The following ORC5 variants were observed in gnomAD, a reference collection of about 807,000 sequenced individuals.
ORC5 encodes origin recognition complex subunit 5.
ORC5 carries 39 observed loss-of-function variants against 58.8 expected under a neutral mutation model. That is an observed-to-expected ratio of 0.66 (90% CI 0.51 to 0.87). The LOEUF is 0.87. ORC5 is among the 40% of genes least tolerant of loss of function. The probability of loss-of-function intolerance (pLI) is 0.00; values close to 1 mark genes in which losing one functional copy is unlikely to be tolerated. For missense variants in ORC5, 493 were observed against 506.3 expected, an observed-to-expected ratio of 0.97 and a Z score of 0.25; for synonymous variants, 218 against 177.6, an observed-to-expected ratio of 1.23 and a Z score of -1.81.
intron 5 of ORC5, among the ~76,000 whole-genome samples, chr7:104,193,221 G>T (rs1182784754): frequency 6.6e-6 from 1 of 151,772 alleles, no homozygotes. Context: ...AATATCTGAG[G>T]TTTATAATAA....
At chr7:104,184,200 A>G in intron 6 of ORC5, 29 bp from the exon 7 acceptor site, 1 of 1,333,366 alleles carries the variant, frequency 7.5e-7, no homozygotes, top group East Asian at 2.4e-5. Context: ...AAAGAGAAGA[A>G]AAAAAGCACT....
At chr7:104,205,325 T>C (rs1048992044) in intron 1 of ORC5, among the ~76,000 whole-genome samples, 8 of 151,998 alleles carry the variant, frequency 5.3e-5, no homozygotes, top group African/African-American at 1.9e-4. Context: ...CCTGACCTTG[T>C]GATCTGCCTG....
intron 11 of ORC5, among the ~76,000 whole-genome samples, chr7:104,164,984 G>C (rs1799082850): frequency 6.6e-6 from 1 of 152,148 alleles, no homozygotes; most frequent in African/African-American, 2.4e-5. Flanking sequence ...AAATAATCCA[G>C]GGTAAACTTC....
At chr7:104,201,415 A>T (rs6971709) in intron 2 of ORC5, among the ~76,000 whole-genome samples, 16,764 of 152,128 alleles carry the variant, frequency 0.11, 1,615 homozygotes, top group African/African-American at 0.26. Context: ...TAAAATTTCC[A>T]TTATAAAACT....
intron 8 of ORC5, among the ~76,000 whole-genome samples, chr7:104,179,109 A>T (rs868352698): frequency 2.2e-4 from 30 of 138,458 alleles, no homozygotes; most frequent in African/African-American, 6.7e-4. Flanking sequence ...AGAAAAGTGA[A>T]TTTTTTTTTT....
chr7:104,142,119 C>T (rs1335346112), intron 12 of ORC5, among the ~76,000 whole-genome samples: 1 of 151,968 alleles, frequency 6.6e-6, no homozygotes, highest in Admixed American at 6.6e-5. Context: ...GACAAGGGTA[C>T]CAAAAATACA....
chr7:104,130,007 A>G (rs1355283829), intron 13 of ORC5, among the ~76,000 whole-genome samples: 30 of 151,120 alleles, frequency 2.0e-4, no homozygotes, highest in African/African-American at 2.4e-5. Context: ...TTTCTTTAGG[A>G]TACTATTTTG....
intron 8 of ORC5, among the ~76,000 whole-genome samples, chr7:104,171,357 T>G (rs1799207580): frequency 6.6e-6 from 1 of 152,222 alleles, no homozygotes; most frequent in Non-Finnish European, 1.5e-5. Flanking sequence ...TGGTCAGTAA[T>G]AACAGGTGAC....
intron 4 of ORC5, among the ~76,000 whole-genome samples, chr7:104,197,108 T>C (rs1374934626): frequency 6.6e-6 from 1 of 152,228 alleles, no homozygotes; most frequent in East Asian, 1.9e-4. Flanking sequence ...TGATAGGTTC[T>C]GGGAAACTGT....
intron 12 of ORC5, among the ~76,000 whole-genome samples, chr7:104,157,612 A>G (rs1798948173): frequency 6.6e-6 from 1 of 152,138 alleles, no homozygotes; most frequent in Admixed American, 6.6e-5. Context: ...GACATTGTTC[A>G]TCATAGTCAA....
intron 6 of ORC5, among the ~76,000 whole-genome samples, chr7:104,186,831 A>T (rs1038714361): frequency 6.6e-6 from 1 of 152,194 alleles, no homozygotes; most frequent in Non-Finnish European, 1.5e-5. Context: ...ATTATTACCA[A>T]TAGTAGTATA....
chr7:104,161,066 G>A lies in ORC5; in HGVS notation c.1149+6C>T. The A allele has an allele frequency of 7.2e-7, 1 of 1,397,604 alleles. No homozygotes were observed. The highest frequency in any genetic ancestry group is 1.0e-6 in the Non-Finnish European group (1 of 983,404). 86.6% of individuals were successfully genotyped at this position (1,397,604 alleles called of 1,614,324 possible). A position where few individuals can be genotyped will look rare whatever the true frequency, so the allele number is the denominator to read the frequency against. On this transcript the variant is annotated splice_donor_region_variant and intron_variant, in intron 12 of 13. Coordinates refer to ENST00000297431, the MANE Select transcript of ORC5 (RefSeq NM_002553.4). ...ATGACAGATAATAATCTATGATTAAGCTTACCTGGGAAAAAATATTTGCTG... is the reference window on the plus strand; with the variant it reads ...ATGACAGATAATAATCTATGATTAAACTTACCTGGGAAAAAATATTTGCTG...
chr7:104,157,160 T>C (rs1798940246), intron 12 of ORC5, among the ~76,000 whole-genome samples: 1 of 151,590 alleles, frequency 6.6e-6, no homozygotes, highest in South Asian at 2.1e-4. Flanking sequence ...AAGAAGAAAA[T>C]ATAAGGCATG....
At chr7:104,167,693 C>G (rs1264223670) in intron 9 of ORC5, among the ~76,000 whole-genome samples, 1 of 152,156 alleles carries the variant, frequency 6.6e-6, no homozygotes, top group Non-Finnish European at 1.5e-5. Flanking sequence ...GTGTTAGGTG[C>G]TTTACTTAAG....
chr7:104,161,863 C>G (rs1799030872), intron 11 of ORC5, among the ~76,000 whole-genome samples: 1 of 152,158 alleles, frequency 6.6e-6, no homozygotes, highest in Admixed American at 6.6e-5. Flanking sequence ...AACCAGATTC[C>G]TAAGTTGTAG....
intron 12 of ORC5, among the ~76,000 whole-genome samples, chr7:104,156,484 T>A (rs1034129443): frequency 2.0e-5 from 3 of 151,604 alleles, no homozygotes; most frequent in Non-Finnish European, 3.0e-5. Context: ...CTTTAAAGAG[T>A]CCTTGAGTTA....
At chr7:104,158,321 T>C (rs1798962744) in intron 12 of ORC5, among the ~76,000 whole-genome samples, 1 of 152,048 alleles carries the variant, frequency 6.6e-6, no homozygotes, top group Non-Finnish European at 1.5e-5. Flanking sequence ...ATACAAAAAT[T>C]AATTCAACAT....
chr7:104,169,702 A>G (rs1026588833), intron 8 of ORC5, among the ~76,000 whole-genome samples: 1 of 152,190 alleles, frequency 6.6e-6, no homozygotes, highest in African/African-American at 2.4e-5. Flanking sequence ...TTCTTTGAGT[A>G]TACTTTAAAA....
rs901324975 is a variant in ORC5 at position 104,188,456 on chromosome 7, A to G, written c.554-75T>C. On this transcript the variant is annotated intron_variant, in intron 5 of 13. Coordinates refer to ENST00000297431, the MANE Select transcript of ORC5 (RefSeq NM_002553.4). ...TCATATCTTCAAGCATTTTATAACAAAGGTATTAAAAAAAAAACACCCAGA... is the reference window on the plus strand; with the variant it reads ...TCATATCTTCAAGCATTTTATAACAGAGGTATTAAAAAAAAAACACCCAGA... 30 of 1,161,982 alleles carry G rather than the reference A, an allele frequency of 2.6e-5. No homozygotes were observed. In the Middle Eastern group the frequency reaches 1.3e-3, roughly 49 times the overall value. 72.0% of individuals were successfully genotyped at this position (1,161,982 alleles called of 1,614,324 possible).
Sources: gnomAD v4.1 joint callset for allele counts (sites outside exome capture counted in the v4.1 genomes callset) on GRCh38, gnomAD v4.1.1 for gene constraint, MANE v1.5 for transcripts, NCBI Gene and HGNC (gene_info 2026-07-23, HGNC 2026-07-21) for gene names.